The following SCAPER variants were observed in gnomAD, a reference collection of about 807,000 sequenced individuals.
SCAPER encodes the protein S-phase cyclin A associated protein in the ER.
Under a neutral mutation model 182.2 loss-of-function variants are expected in SCAPER, and 98 were observed. The ratio of observed to expected loss-of-function variants is 0.54; its 90% CI spans 0.46 to 0.64. The LOEUF (loss-of-function observed/expected upper bound fraction) is 0.64, where lower values mean the gene tolerates loss of function less well. SCAPER is among the 30% of genes least tolerant of loss of function. The probability of loss-of-function intolerance (pLI) is 0.00; values close to 1 mark genes in which losing one functional copy is unlikely to be tolerated. For synonymous variants in SCAPER, 605 were observed against 564.6 expected (o/e 1.07, Z -1.01); for missense variants, 1,432 against 1,690.0 (o/e 0.85, Z 2.68).
At chr15:76,606,886 C>T (rs923845684) in intron 22 of SCAPER, among the ~76,000 whole-genome samples, 1 of 152,098 alleles carries the variant, frequency 6.6e-6, no homozygotes, top group African/African-American at 2.4e-5. Context: ...TTCTTCCATC[C>T]CTTTATTTTG....
chr15:76,580,091 C>T (rs1028142564), intron 22 of SCAPER, among the ~76,000 whole-genome samples: 3 of 152,084 alleles, frequency 2.0e-5, no homozygotes, highest in Non-Finnish European at 4.4e-5. Flanking sequence ...TTCAGCACCC[C>T]ACTTTTAGCA....
intron 26 of SCAPER, among the ~76,000 whole-genome samples, chr15:76,424,249 G>GTC (rs1286487188): frequency 2.0e-5 from 3 of 152,166 alleles, no homozygotes; most frequent in African/African-American, 7.2e-5. Context: ...TTGTGTGGGA[G>GTC]TCTAAGTCTC....
chr15:76,711,751 G>A (rs184812661), intron 17 of SCAPER, among the ~76,000 whole-genome samples: 1 of 152,202 alleles, frequency 6.6e-6, no homozygotes, highest in Admixed American at 6.5e-5. Context: ...AGAAGTGTCT[G>A]TTCATATCCT....
intron 14 of SCAPER, among the ~76,000 whole-genome samples, chr15:76,764,059 T>G (rs1029174282): frequency 6.6e-6 from 1 of 152,218 alleles, no homozygotes; most frequent in African/African-American, 2.4e-5. Flanking sequence ...GTCTATGCAC[T>G]TAAAGAAGCA....
At chr15:76,804,867 C>T (rs933031977) in intron 5 of SCAPER, among the ~76,000 whole-genome samples, 9 of 151,878 alleles carry the variant, frequency 5.9e-5, no homozygotes, top group African/African-American at 1.7e-4. Flanking sequence ...TCAAAACCTC[C>T]CCCAATAGCC....
At chr15:76,428,863 A>G (rs936319537) in intron 26 of SCAPER, among the ~76,000 whole-genome samples, 90 of 44,040 alleles carry the variant, frequency 2.0e-3, no homozygotes, top group African/African-American at 9.2e-3. Flanking sequence ...TCAGATCATT[A>G]TACTATATAT....
intron 30 of SCAPER, among the ~76,000 whole-genome samples, chr15:76,351,906 A>G (rs1363826445): frequency 1.3e-5 from 2 of 152,338 alleles, no homozygotes; most frequent in African/African-American, 2.4e-5. Flanking sequence ...AATAAACAAT[A>G]TAAGAAATTT....
chr15:76,513,920 G>A (rs1431616807), intron 23 of SCAPER, among the ~76,000 whole-genome samples: 1 of 152,080 alleles, frequency 6.6e-6, no homozygotes, highest in African/African-American at 2.4e-5. Context: ...TAAAATCAAA[G>A]CTCTCTGTAT....
chr15:76,672,674 A>G (rs1405977217), intron 20 of SCAPER, among the ~76,000 whole-genome samples: 3 of 152,120 alleles, frequency 2.0e-5, no homozygotes, highest in Admixed American at 6.5e-5. Flanking sequence ...AAATGATTTC[A>G]AAGTAAGTGG....
chr15:76,530,409 A>C (rs1465471452), intron 23 of SCAPER, among the ~76,000 whole-genome samples: 1 of 152,184 alleles, frequency 6.6e-6, no homozygotes, highest in African/African-American at 2.4e-5. Context: ...TTGAAAGAGT[A>C]GTGTGCACAG....
At chr15:76,397,639 C>T (rs2044167906) in intron 27 of SCAPER, among the ~76,000 whole-genome samples, 1 of 152,026 alleles carries the variant, frequency 6.6e-6, no homozygotes, top group Non-Finnish European at 1.5e-5. Context: ...CACCACCACG[C>T]CCAGATAATT....
At chr15:76,841,962 A>C in intron 4 of SCAPER, 31 bp from the exon 5 acceptor site, 1 of 1,578,266 alleles carries the variant, frequency 6.3e-7, no homozygotes, top group South Asian at 1.2e-5. Flanking sequence ...ATGAAAATAA[A>C]TAAATAAAAG....
chr15:76,368,053 C>T (rs1403521288), intron 29 of SCAPER, among the ~76,000 whole-genome samples: 1 of 152,102 alleles, frequency 6.6e-6, no homozygotes, highest in Admixed American at 6.6e-5. Context: ...ATCTGTCACA[C>T]AAAGAAAGGA....
chr15:76,440,304 T>A (rs1372149220), intron 25 of SCAPER, among the ~76,000 whole-genome samples: 2 of 152,216 alleles, frequency 1.3e-5, no homozygotes, highest in African/African-American at 4.8e-5. Context: ...AAATTAAAAG[T>A]CATTATAACT....
chr15:76,523,745 C>T (rs1204844704), intron 23 of SCAPER, among the ~76,000 whole-genome samples: 1 of 151,990 alleles, frequency 6.6e-6, no homozygotes, highest in Non-Finnish European at 1.5e-5. Flanking sequence ...AAAATACATA[C>T]TTTATATATG....
intron 23 of SCAPER, among the ~76,000 whole-genome samples, chr15:76,551,612 C>A (rs1003309864): frequency 6.6e-6 from 1 of 151,974 alleles, no homozygotes; most frequent in African/African-American, 2.4e-5. Flanking sequence ...CAGTTAGATA[C>A]GAGGAATAAG....
intron 5 of SCAPER, among the ~76,000 whole-genome samples, chr15:76,822,644 T>C (rs573767612): frequency 1.3e-4 from 20 of 152,214 alleles, no homozygotes; most frequent in Non-Finnish European, 1.5e-4. Context: ...ATGATTACCA[T>C]TGCTGTCTTC....
rs559094460 is a variant in SCAPER at position 76,639,068 on chromosome 15, G to A, written c.2646-17239C>T. Among the ~76,000 whole-genome samples, 14 of 152,148 alleles carry A rather than the reference G, an allele frequency of 9.2e-5. No individual in the cohort carries two copies. The South Asian group carries it at 2.7e-3, about 29-fold the overall frequency. ...TAAAAACAGAAAGGAAGAATAAATA[G>A]GAGAAAAACAGGGTTCTTTTGCCAG... On this transcript the variant is annotated intron_variant, in intron 21 of 31. Transcript: ENST00000563290.
intron 21 of SCAPER, among the ~76,000 whole-genome samples, chr15:76,655,259 C>T (rs973073150): frequency 1.3e-5 from 2 of 151,996 alleles, no homozygotes; most frequent in African/African-American, 4.8e-5. Flanking sequence ...AATAAAATTT[C>T]AAGAATTAAG....
Sources: allele counts gnomAD v4.1 joint callset (sites outside exome capture counted in the v4.1 genomes callset), GRCh38; gene constraint gnomAD v4.1.1; transcripts MANE v1.5; gene names NCBI Gene and HGNC (gene_info 2026-07-23, HGNC 2026-07-21).